Variants in MSI2 observed in about 807,000 individuals in gnomAD.
The protein encoded by MSI2 is musashi RNA binding protein 2.
MSI2 carries 17 observed loss-of-function variants against 45.6 expected under a neutral mutation model. The ratio of observed to expected loss-of-function variants is 0.37; its 90% CI spans 0.26 to 0.56. MSI2 has a LOEUF of 0.56. MSI2 is among the 20% of genes least tolerant of loss of function. The pLI is 0.77. For synonymous variants in MSI2, 156 were observed against 158.2 expected (o/e 0.99, Z 0.11); for missense variants, 293 against 444.2 (o/e 0.66, Z 3.06).
Position 57,547,704 on chromosome 17 carries a change from C to T in MSI2, c.454+17980C>T, listed in dbSNP as rs1206703729. On this transcript the variant is annotated intron_variant, in intron 7 of 13. Transcript: ENST00000284073. ...TTCTGTTTGAAATTCCCATTGGGAT[C>T]CATTTGGTGATGTTTAGTAGTTGCA... is the stretch of plus-strand genomic sequence containing the variant. Among the ~76,000 whole-genome samples, 3 of 143,496 alleles carry T rather than the reference C, an allele frequency of 2.1e-5. No homozygotes were observed. The East Asian group carries it at 6.5e-4, about 31-fold the overall frequency. 94.1% of individuals were successfully genotyped at this position (143,496 alleles called of 152,430 possible).
chr17:57,652,199 C>G lies in MSI2; in HGVS notation c.790+38C>G, dbSNP rs1367564133. ...ATGGGACAGGCGACTCCCAGGCATG[C>G]CCCCAGTGTGCAGGGGGAGGTCAAG... On this transcript the variant is annotated intron_variant, in intron 11 of 13. Coordinates refer to ENST00000284073, the MANE Select transcript of MSI2 (RefSeq NM_138962.4). This position sits in a 1 kb window ranked among gnomAD's most constrained non-coding sequence, Gnocchi z 4.1. The G allele has an allele frequency of 6.3e-7, 1 of 1,591,856 alleles. No homozygotes were observed. The highest frequency in any genetic ancestry group is 2.2e-5 in the East Asian group (1 of 44,706).
intron 6 of MSI2, among the ~76,000 whole-genome samples, chr17:57,412,218 A>G (rs1334965017): frequency 6.6e-6 from 1 of 151,878 alleles, no homozygotes; most frequent in Non-Finnish European, 1.5e-5. Flanking sequence ...TTGTATTTTT[A>G]GTAGAGACAG....
At chr17:57,410,146 C>G (rs999957758) in intron 6 of MSI2, among the ~76,000 whole-genome samples, 1 of 151,858 alleles carries the variant, frequency 6.6e-6, no homozygotes, top group Non-Finnish European at 1.5e-5. Flanking sequence ...TTGCCTGTGA[C>G]TAAGGGGGTT....
At chr17:57,584,723 G>A (rs1237689410) in intron 7 of MSI2, among the ~76,000 whole-genome samples, 1 of 152,012 alleles carries the variant, frequency 6.6e-6, no homozygotes, top group Non-Finnish European at 1.5e-5. Flanking sequence ...GTGCACCAGG[G>A]CGGGGGGCCA....
intron 6 of MSI2, among the ~76,000 whole-genome samples, chr17:57,491,030 G>A (rs762204474): frequency 8.5e-5 from 13 of 152,200 alleles, no homozygotes; most frequent in Non-Finnish European, 1.5e-4. Flanking sequence ...TGGGGAGGAC[G>A]GATGGGAGGT....
upstream of MSI2, chr17:57,256,497 G>C: frequency 3.5e-6 from 1 of 282,034 alleles, no homozygotes; most frequent in Non-Finnish European, 6.5e-6. Context: ...GGTGGGGATG[G>C]GCCGGGGGGG....
At chr17:57,499,632 A>G (rs1009725077) in intron 6 of MSI2, among the ~76,000 whole-genome samples, 3 of 152,202 alleles carry the variant, frequency 2.0e-5, no homozygotes, top group Non-Finnish European at 2.9e-5. Context: ...AACAACAGCA[A>G]TCGTTATATT....
Position 57,682,655 on chromosome 17 carries a change from A to G in MSI2, c.*3138A>G, listed in dbSNP as rs1913686631. ...GAAGTCCATTTTGAAAGATTTTTGT[A>G]AATTCTTTTAACACTGATGTTTCAG... On this transcript the variant is annotated 3_prime_UTR_variant, in exon 14 of 14. Transcript: ENST00000284073. The G allele has an allele frequency of 9.3e-6, 2 of 214,098 alleles. No individual in the cohort carries two copies. The highest frequency in any genetic ancestry group is 5.8e-5 in the Admixed American group (1 of 17,104). The allele number at this position is 214,098 out of a possible 1,614,324, so 13.3% of individuals were successfully genotyped here. A position where few individuals can be genotyped will look rare whatever the true frequency, so the allele number is the denominator to read the frequency against.
chr17:57,397,134 C>T (rs925317759), intron 5 of MSI2, among the ~76,000 whole-genome samples: 3 of 152,168 alleles, frequency 2.0e-5, no homozygotes, highest in Non-Finnish European at 4.4e-5. Flanking sequence ...GGCTGCTTCC[C>T]TGTACCCTGT....
chr17:57,529,649 A>C lies in MSI2; in HGVS notation c.406-27A>C. On this transcript the variant is annotated intron_variant, in intron 6 of 13. Coordinates refer to ENST00000284073, the MANE Select transcript of MSI2 (RefSeq NM_138962.4). The surrounding 1 kb of genome is among the most constrained non-coding windows in gnomAD (Gnocchi z 5.3). ...TGTACTTTCTTAAAATTCCTAAGGC[A>C]GCCTGTATTCTATATTTGTTTTGCA... 1.2e-6 allele frequency: 2 copies of C among 1,610,410 alleles called. No individual in the cohort carries two copies. Among genetic ancestry groups the C allele is most frequent in the Non-Finnish European group, 1.7e-6 (2 of 1,178,016 alleles).
chr17:57,461,131 T>A (rs78079979), intron 6 of MSI2, among the ~76,000 whole-genome samples: 5,463 of 152,230 alleles, frequency 0.036, 326 homozygotes, highest in African/African-American at 0.12. Flanking sequence ...ACACTTGAGC[T>A]TGTGCCCATG....
At chr17:57,603,358 G>T (rs976062824) in intron 8 of MSI2, among the ~76,000 whole-genome samples, 1 of 152,182 alleles carries the variant, frequency 6.6e-6, no homozygotes, top group Non-Finnish European at 1.5e-5. Flanking sequence ...TCACTTAGAG[G>T]CACCAAGAGA....
rs374169609 is a variant in MSI2, at chr17:57,665,444, C to T, written c.791-9528C>T. Among the ~76,000 whole-genome samples the T allele has an allele frequency of 3.3e-4, 50 of 152,292 alleles. 2 individuals carry two copies. The highest frequency in any genetic ancestry group is 1.7e-3 in the East Asian group (9 of 5,186). ...GCTTGGCTAATTAGTGACATGTATG[C>T]GCCTGCTTTGAACTTCAAGGACACA... On this transcript the variant is annotated intron_variant, in intron 11 of 13. Coordinates refer to ENST00000284073, the MANE Select transcript of MSI2 (RefSeq NM_138962.4).
At chr17:57,366,151 G>A (rs927130126) in intron 5 of MSI2, among the ~76,000 whole-genome samples, 2 of 152,166 alleles carry the variant, frequency 1.3e-5, no homozygotes, top group African/African-American at 4.8e-5. Flanking sequence ...AGCTCAAGCA[G>A]CCCCACCCGT....
At chr17:57,420,079 CT>C in intron 6 of MSI2, among the ~76,000 whole-genome samples, 1 of 152,314 alleles carries the variant, frequency 6.6e-6, no homozygotes, top group Non-Finnish European at 1.5e-5. Context: ...ATCACCAGTG[CT>C]CTGGGACTGA....
At chr17:57,469,514 G>A (rs150128342) in intron 6 of MSI2, among the ~76,000 whole-genome samples, 4 of 152,284 alleles carry the variant, frequency 2.6e-5, no homozygotes, top group East Asian at 1.9e-4. Context: ...GATGGGGAGC[G>A]CGTGACTGTG....
intron 5 of MSI2, among the ~76,000 whole-genome samples, chr17:57,318,849 C>G (rs990877346): frequency 2.6e-5 from 4 of 152,138 alleles, no homozygotes; most frequent in African/African-American, 9.7e-5. Context: ...GATTCCGTGG[C>G]TGATTTGTTA....
In MSI2 at chr17:57,679,583, G is replaced by T. The variant is rs1913475573; in HGVS notation, c.*66G>T. The T allele has an allele frequency of 9.4e-7, 1 of 1,061,312 alleles. No individual in the cohort carries two copies. The highest frequency in any genetic ancestry group is 1.6e-5 in the African/African-American group (1 of 60,936). 65.7% of individuals were successfully genotyped at this position (1,061,312 alleles called of 1,614,324 possible). Reference sequence around the variant, plus strand: ...GGATGTCCAGGCAAGACTGGGCGAAGTTTCTGAGTGGCCCTTTGTTTAGGT... The same window carrying T: ...GGATGTCCAGGCAAGACTGGGCGAATTTTCTGAGTGGCCCTTTGTTTAGGT... On this transcript the variant is annotated 3_prime_UTR_variant, in exon 14 of 14. Coordinates refer to ENST00000284073, the MANE Select transcript of MSI2 (RefSeq NM_138962.4).
At chr17:57,633,304 C>A in intron 10 of MSI2, 1 of 518,280 alleles carries the variant, frequency 1.9e-6, no homozygotes, top group Non-Finnish European at 2.5e-6. Context: ...CATGCGAACT[C>A]CCCCTGGCTG....
Sources: gnomAD v4.1 joint callset for allele counts (sites outside exome capture counted in the v4.1 genomes callset) on GRCh38, gnomAD v4.1.1 for gene constraint, Gnocchi (gnomAD v3.1) non-coding constraint, MANE v1.5 for transcripts, NCBI Gene and HGNC (gene_info 2026-07-23, HGNC 2026-07-21) for gene names.